Variants in PTPRJ observed in about 807,000 individuals in gnomAD.
PTPRJ encodes receptor-type tyrosine-protein phosphatase eta.
In PTPRJ, 129 loss-of-function variants were observed where a neutral mutation model predicts 141.3. The ratio of observed to expected loss-of-function variants is 0.91; its 90% CI spans 0.79 to 1.06. The LOEUF is 1.06. Among genes scored for constraint, PTPRJ ranks in the 50% least tolerant of loss-of-function variants. PTPRJ has a pLI of 0.00. For synonymous variants in PTPRJ, 610 were observed against 640.5 expected, an observed-to-expected ratio of 0.95 and a Z score of 0.72; for missense variants, 1,601 against 1,679.7, an observed-to-expected ratio of 0.95 and a Z score of 0.82.
chr11:48,139,808 C>T (rs1475308207), intron 11 of PTPRJ, 32 bp downstream of exon 11: 2 of 1,607,902 alleles, frequency 1.2e-6, no homozygotes, highest in African/African-American at 1.3e-5. Context: ...GGTCAGTTGG[C>T]ACTGTGATCA....
At chr11:48,127,202 G>T (rs552962914) in intron 6 of PTPRJ, among the ~76,000 whole-genome samples, 1 of 152,370 alleles carries the variant, frequency 6.6e-6, no homozygotes, top group African/African-American at 2.4e-5. Context: ...GCAGGTGAGG[G>T]AAGGGCAGTG....
intron 4 of PTPRJ, among the ~76,000 whole-genome samples, chr11:48,122,193 A>G (rs1308283402): frequency 6.6e-6 from 1 of 152,240 alleles, no homozygotes; most frequent in African/African-American, 2.4e-5. Context: ...TTAGGGGGGA[A>G]AACCTGCCAT....
chr11:48,117,131 G>A lies in PTPRJ; in HGVS notation c.353-3872G>A, dbSNP rs141910311. Among the ~76,000 whole-genome samples the A allele has an allele frequency of 4.3e-3, 647 of 152,160 alleles. 2 individuals are homozygous for A. Among genetic ancestry groups the A allele is most frequent in the Non-Finnish European group, 4.4e-3 (297 of 68,010 alleles). ...AATGGGTCAGTGAAGAAATTAAAAG[G>A]GACATTTAAAAATTTCTTGAAGCAA... On this transcript the variant is annotated intron_variant, in intron 3 of 24. Transcript: ENST00000418331.
intron 1 of PTPRJ, among the ~76,000 whole-genome samples, chr11:48,058,264 G>GGT (rs985964677): frequency 2.0e-5 from 3 of 151,986 alleles, no homozygotes; most frequent in African/African-American, 7.2e-5. Flanking sequence ...GGTGTGCAGT[G>GGT]GTGTGATCAT....
chr11:48,102,583 A>T (rs1480582192), intron 1 of PTPRJ, among the ~76,000 whole-genome samples: 2 of 151,242 alleles, frequency 1.3e-5, no homozygotes, highest in African/African-American at 4.9e-5. Flanking sequence ...TTGTATATAT[A>T]TTTTTTTCAG....
At chr11:48,054,684 T>G (rs974333347) in intron 1 of PTPRJ, among the ~76,000 whole-genome samples, 2 of 152,088 alleles carry the variant, frequency 1.3e-5, no homozygotes, top group Non-Finnish European at 2.9e-5. Context: ...GATTCCCTTT[T>G]ATGAAAAAAA....
intron 1 of PTPRJ, among the ~76,000 whole-genome samples, chr11:48,017,023 G>A (rs1410019670): frequency 6.6e-6 from 1 of 151,986 alleles, no homozygotes; most frequent in East Asian, 1.9e-4. Flanking sequence ...GTTCCCCAAA[G>A]TGCCAGGATC....
intron 22 of PTPRJ, among the ~76,000 whole-genome samples, chr11:48,161,180 C>CAAAAAAAAAAAAAAAAAAAAAAAAA: frequency 1.5e-5 from 1 of 68,122 alleles, no homozygotes; most frequent in Non-Finnish European, 2.5e-5. Flanking sequence ...GACCCGGTCT[C>CAAAAAAAAAAAAAAAAAAAAAAAAA]AAAAAAAAAA....
At position 47,981,002 on chromosome 11, in the gene PTPRJ, G is replaced by A. The variant is rs1050989335; in HGVS notation, c.90G>A (p.Leu30=). The A allele has an allele frequency of 9.1e-6, 11 of 1,214,274 alleles. No homozygotes were observed. The African/African-American group carries it at 1.7e-4, about 19-fold the overall frequency. The allele number at this position is 1,214,274 out of a possible 1,614,324, so 75.2% of individuals were successfully genotyped here. ...ALPLLLLLLR[L]GQILCAGGTP... is the part of the protein sequence containing the mutation. ...CGCTGCTGCTGCTGCTGCTGCGCCT[G>A]GGCCAGGTAAGCGCCGGGTGGGCTC... The change falls in exon 1 of 25, where the codon CTG becomes CTA. Residue 30 remains leucine, a synonymous_variant. Coordinates refer to ENST00000418331, the MANE Select transcript of PTPRJ (RefSeq NM_002843.4).
chr11:48,063,585 C>T (rs1309632154), intron 1 of PTPRJ, among the ~76,000 whole-genome samples: 1 of 152,156 alleles, frequency 6.6e-6, no homozygotes, highest in Admixed American at 6.5e-5. Context: ...GGGGGGTGGC[C>T]GTTTGTGATG....
chr11:48,123,918 C>T (rs765037499), intron 5 of PTPRJ, 48 bp downstream of exon 5: 4 of 1,548,808 alleles, frequency 2.6e-6, no homozygotes, highest in South Asian at 2.4e-5. Flanking sequence ...TTCTTACTTT[C>T]AGTAACTAAA....
chr11:48,150,207 T>A (rs1264322219), intron 18 of PTPRJ, 24 bp downstream of exon 18: 2 of 1,602,274 alleles, frequency 1.2e-6, no homozygotes, highest in East Asian at 2.2e-5. Context: ...AATACTGTTT[T>A]TAATTGTGTC....
intron 18 of PTPRJ, among the ~76,000 whole-genome samples, chr11:48,152,218 T>C (rs1486766582): frequency 6.6e-6 from 1 of 152,194 alleles, no homozygotes; most frequent in Non-Finnish European, 1.5e-5. Flanking sequence ...CATTTTTTCA[T>C]GTGTCTTTTG....
intron 1 of PTPRJ, among the ~76,000 whole-genome samples, chr11:48,033,922 T>G (rs917224497): frequency 5.3e-5 from 8 of 152,244 alleles, no homozygotes; most frequent in African/African-American, 1.7e-4. Context: ...ACCAGCTGAC[T>G]GTTCAGCAAA....
At position 48,028,753 on chromosome 11, in the gene PTPRJ, T is replaced by C. The variant is rs184416159; in HGVS notation, c.96+47745T>C. Among the ~76,000 whole-genome samples, 1,139 of 152,288 alleles carry C rather than the reference T, an allele frequency of 7.5e-3. 16 individuals are homozygous for C. Among genetic ancestry groups the C allele is most frequent in the African/African-American group, 0.026 (1,061 of 41,562 alleles). Reference sequence around the variant, plus strand: ...TTGCAGTAAGCAGAGATTGTGCCACTGCACTCCAGCCTGGGCAACAAGAGT... The same window carrying C: ...TTGCAGTAAGCAGAGATTGTGCCACCGCACTCCAGCCTGGGCAACAAGAGT... On this transcript the variant is annotated intron_variant, in intron 1 of 24. Transcript: ENST00000418331.
intron 1 of PTPRJ, among the ~76,000 whole-genome samples, chr11:48,032,805 C>T (rs944456079): frequency 1.3e-5 from 2 of 152,208 alleles, no homozygotes; most frequent in African/African-American, 4.8e-5. Flanking sequence ...CTAATTCATT[C>T]ATTCAGCGTG....
rs117633933 is a variant in PTPRJ, at chr11:48,011,248, G to C, written c.96+30240G>C. On this transcript the variant is annotated intron_variant, in intron 1 of 24. Coordinates refer to ENST00000418331, the MANE Select transcript of PTPRJ (RefSeq NM_002843.4). The stretch of plus-strand genomic sequence containing the variant: ...GGGCTGTGTATGCCTGTTTGTAAGA[G>C]AGATCCATCCAGATCAAGCCTGTGC... 1.7e-3 allele frequency among the ~76,000 whole-genome samples: 256 copies of C among 152,264 alleles called. 9 individuals carry two copies. The East Asian group carries it at 0.046, about 28-fold the overall frequency.
chr11:48,148,110 G>A (rs1052289967), intron 15 of PTPRJ, among the ~76,000 whole-genome samples: 3 of 152,180 alleles, frequency 2.0e-5, no homozygotes, highest in African/African-American at 7.2e-5. Flanking sequence ...CTCCTGAAGT[G>A]TTGGGATCAC....
Position 48,153,894 on chromosome 11 carries a change from A to G in PTPRJ, c.3229+8A>G. The stretch of plus-strand genomic sequence containing the variant: ...ATAATAATGTTCTGCCCTGTAAGTT[A>G]TTTTATCTACAGCATCTTCTCTGTG... On this transcript the variant is annotated splice_region_variant and intron_variant, in intron 19 of 24. Transcript: ENST00000418331. 2 of 1,581,512 alleles carry G rather than the reference A, an allele frequency of 1.3e-6. No homozygotes were observed. Among genetic ancestry groups the G allele is most frequent in the Non-Finnish European group, 1.7e-6 (2 of 1,150,526 alleles).
Sources: gnomAD v4.1 joint callset for allele counts (sites outside exome capture counted in the v4.1 genomes callset) on GRCh38, gnomAD v4.1.1 for gene constraint, MANE v1.5 for transcripts, NCBI Gene and HGNC (gene_info 2026-07-23, HGNC 2026-07-21) for gene names.